SUPT3H: variants seen among roughly 807,000 people sequenced by gnomAD.
The protein encoded by SUPT3H is transcription initiation protein SPT3 homolog.
In SUPT3H, 44 loss-of-function variants were observed where a neutral mutation model predicts 44.3. That is an observed-to-expected ratio of 0.99 (90% CI 0.78 to 1.28). The LOEUF (loss-of-function observed/expected upper bound fraction) is 1.28. Among genes scored for constraint, SUPT3H ranks in the 50% most tolerant of loss-of-function variants. The pLI, the probability that SUPT3H is intolerant of heterozygous loss-of-function variation, is 0.00. For missense variants in SUPT3H, 380 were observed against 387.1 expected (o/e 0.98, Z 0.15); for synonymous variants, 124 against 125.6 (o/e 0.99, Z 0.09).
intron 9 of SUPT3H, among the ~76,000 whole-genome samples, chr6:44,943,040 T>C (rs986548647): frequency 7.9e-5 from 12 of 152,210 alleles, no homozygotes; most frequent in African/African-American, 4.8e-5. Context: ...GCATGACTTA[T>C]ATTCAATGGA....
At chr6:44,818,145 A>C (rs1017197444) in intron 11 of SUPT3H, among the ~76,000 whole-genome samples, 5 of 152,172 alleles carry the variant, frequency 3.3e-5, no homozygotes, top group African/African-American at 1.2e-4. Flanking sequence ...AAAGCAGAGC[A>C]ATATTTATAT....
At chr6:44,983,751 C>T (rs1268962319) in intron 6 of SUPT3H, among the ~76,000 whole-genome samples, 1 of 151,930 alleles carries the variant, frequency 6.6e-6, no homozygotes, top group Non-Finnish European at 1.5e-5. Context: ...ATTCAAAGAA[C>T]CGTTTTTATT....
At chr6:45,354,630 TACACACACAC>T (rs35189031) in intron 2 of SUPT3H, among the ~76,000 whole-genome samples, 2 of 149,812 alleles carry the variant, frequency 1.3e-5, no homozygotes, top group African/African-American at 4.9e-5. Context: ...CACGCACACA[TACACACACAC>T]ACACACACAC....
At chr6:45,133,701 C>T (rs1469473755) in intron 2 of SUPT3H, among the ~76,000 whole-genome samples, 6 of 152,108 alleles carry the variant, frequency 3.9e-5, no homozygotes, top group Non-Finnish European at 7.3e-5. Flanking sequence ...TGACAACCCT[C>T]CAGATCTATT....
chr6:45,297,134 T>C (rs1452392929), intron 2 of SUPT3H, among the ~76,000 whole-genome samples: 1 of 144,796 alleles, frequency 6.9e-6, no homozygotes, highest in African/African-American at 2.5e-5. Context: ...ACAGAGCAAA[T>C]AGTAAAGCCA....
At chr6:45,199,487 G>GA (rs575447320) in intron 2 of SUPT3H, among the ~76,000 whole-genome samples, 2,649 of 145,400 alleles carry the variant, frequency 0.018, 49 homozygotes, top group South Asian at 0.087. Flanking sequence ...TTCTTACAGT[G>GA]AAAAAAAAAA....
At chr6:45,341,834 G>A (rs546753125) in intron 2 of SUPT3H, among the ~76,000 whole-genome samples, 6 of 152,076 alleles carry the variant, frequency 3.9e-5, no homozygotes, top group South Asian at 2.1e-4. Context: ...ATAATTCATC[G>A]CTTTTAGTTT....
chr6:45,360,179 A>C (rs964219298), intron 2 of SUPT3H, among the ~76,000 whole-genome samples: 10 of 152,220 alleles, frequency 6.6e-5, no homozygotes, highest in Non-Finnish European at 1.3e-4. Context: ...AGAATTTGCC[A>C]CTGACTATAG....
At chr6:45,377,474 A>T (rs1159920151) in intron 1 of SUPT3H, 1 of 151,800 alleles carries the variant, frequency 6.6e-6, no homozygotes, top group Non-Finnish European at 1.5e-5. Flanking sequence ...GCTTCTCAGC[A>T]CAGCCCAGCC....
chr6:45,277,317 G>A (rs747892121), intron 2 of SUPT3H, among the ~76,000 whole-genome samples: 1 of 152,130 alleles, frequency 6.6e-6, no homozygotes, highest in Non-Finnish European at 1.5e-5. Flanking sequence ...AGAAAAGGAG[G>A]TTTAGATTAG....
chr6:45,211,092 A>AT (rs1020011783), intron 2 of SUPT3H, among the ~76,000 whole-genome samples: 1 of 151,946 alleles, frequency 6.6e-6, no homozygotes, highest in African/African-American at 2.4e-5. Context: ...TTACACTTCC[A>AT]TTTTTTTTAA....
chr6:45,272,767 T>C (rs1776408073), intron 2 of SUPT3H, among the ~76,000 whole-genome samples: 1 of 139,238 alleles, frequency 7.2e-6, no homozygotes, highest in African/African-American at 2.7e-5. Flanking sequence ...GCTAAAGCTT[T>C]GGCTGACTTT....
At chr6:45,021,878 C>T (rs1395967813) in intron 3 of SUPT3H, among the ~76,000 whole-genome samples, 1 of 151,888 alleles carries the variant, frequency 6.6e-6, no homozygotes, top group Non-Finnish European at 1.5e-5. Context: ...AAACACTATC[C>T]TATCTAAATA....
At chr6:45,175,493 G>A (rs1265922264) in intron 2 of SUPT3H, among the ~76,000 whole-genome samples, 3 of 152,158 alleles carry the variant, frequency 2.0e-5, no homozygotes, top group Non-Finnish European at 4.4e-5. Context: ...CCCTTCACAC[G>A]TGGGGATTAT....
At chr6:44,934,220 A>C (rs1771053066) in intron 9 of SUPT3H, among the ~76,000 whole-genome samples, 1 of 152,176 alleles carries the variant, frequency 6.6e-6, no homozygotes. Flanking sequence ...AATTTGGCAA[A>C]ATCTTATAAA....
intron 2 of SUPT3H, among the ~76,000 whole-genome samples, chr6:45,236,327 G>T (rs74624669): frequency 2.0e-5 from 3 of 152,118 alleles, no homozygotes; most frequent in African/African-American, 7.2e-5. Flanking sequence ...ACACCCGAGT[G>T]CTCTTAAGCA....
intron 10 of SUPT3H, among the ~76,000 whole-genome samples, chr6:44,882,012 C>T (rs547816914): frequency 1.3e-5 from 2 of 152,180 alleles, no homozygotes; most frequent in East Asian, 3.9e-4. Flanking sequence ...CAAAAGCTAG[C>T]AGAAGCCAAG....
chr6:44,829,652 G>T lies in SUPT3H; in HGVS notation c.*164C>A. On this transcript the variant is annotated 3_prime_UTR_variant, in exon 11 of 11. Coordinates refer to ENST00000371459, the MANE Select transcript of SUPT3H (RefSeq NM_003599.4). Reference sequence around the variant, plus strand: ...CATCTAGTAAACAAGACCGATGGTTGAGGGGCTGGAAAAGAGGAGGAGTCA... The same window carrying T: ...CATCTAGTAAACAAGACCGATGGTTTAGGGGCTGGAAAAGAGGAGGAGTCA... The T allele has an allele frequency of 1.4e-6, 1 of 707,742 alleles. No individual in the cohort carries two copies. The highest frequency in any genetic ancestry group is 2.4e-6 in the Non-Finnish European group (1 of 410,976). The allele number at this position is 707,742 out of a possible 1,614,324, so 43.8% of individuals were successfully genotyped here.
intron 3 of SUPT3H, among the ~76,000 whole-genome samples, chr6:45,047,728 C>G (rs1394530474): frequency 6.6e-6 from 1 of 152,074 alleles, no homozygotes; most frequent in Non-Finnish European, 1.5e-5. Context: ...CAAAGGTTCT[C>G]TTTTCTCCAC....
Sources: gnomAD v4.1 joint callset for allele counts (sites outside exome capture counted in the v4.1 genomes callset) on GRCh38, gnomAD v4.1.1 for gene constraint, MANE v1.5 for transcripts, NCBI Gene and HGNC (gene_info 2026-07-23, HGNC 2026-07-21) for gene names.